The following CEP63 variants were observed in gnomAD, a reference collection of about 807,000 sequenced individuals.
CEP63 encodes centrosomal protein of 63 kDa.
CEP63 carries 84 observed loss-of-function variants against 89.1 expected under a neutral mutation model. That is an observed-to-expected ratio of 0.94 (90% CI 0.79 to 1.13). The LOEUF (loss-of-function observed/expected upper bound fraction) is 1.13, where lower values mean the gene tolerates loss of function less well. Among genes scored for constraint, CEP63 ranks in the 50% most tolerant of loss-of-function variants. CEP63 has a pLI of 0.00. For synonymous variants in CEP63, 267 were observed against 272.5 expected (o/e 0.98, Z 0.20); for missense variants, 838 against 813.3 (o/e 1.03, Z -0.37).
the CEP63 span, among the ~76,000 whole-genome samples, chr3:134,669,173 G>A: frequency 6.6e-6 from 1 of 151,968 alleles, no homozygotes; most frequent in African/African-American, 2.4e-5. Context: ...CTGCAGGCAT[G>A]TGCCCCTACA....
At chr3:134,776,307 G>A in the CEP63 span, among the ~76,000 whole-genome samples, 2 of 152,096 alleles carry the variant, frequency 1.3e-5, no homozygotes, top group African/African-American at 4.8e-5. Flanking sequence ...AAAAAGGTAA[G>A]ACAAACAAGT....
chr3:134,768,920 T>C, the CEP63 span, among the ~76,000 whole-genome samples: 2 of 152,132 alleles, frequency 1.3e-5, no homozygotes, highest in South Asian at 4.1e-4. Context: ...AAGGCTTTGA[T>C]ATGCTGTTGC....
At chr3:134,623,566 G>GC in the CEP63 span, among the ~76,000 whole-genome samples, 1 of 139,660 alleles carries the variant, frequency 7.2e-6, no homozygotes, top group Admixed American at 7.3e-5. Flanking sequence ...ACCTTAGGAT[G>GC]CCCCCCTACT....
the CEP63 span, among the ~76,000 whole-genome samples, chr3:134,718,555 T>A: frequency 6.6e-6 from 1 of 152,244 alleles, no homozygotes; most frequent in Admixed American, 6.5e-5. Flanking sequence ...CCCTGTGGGT[T>A]AGACAGAAAA....
At chr3:134,537,538 C>T (rs1201790150) in intron 6 of CEP63, among the ~76,000 whole-genome samples, 3 of 152,158 alleles carry the variant, frequency 2.0e-5, no homozygotes, top group Non-Finnish European at 2.9e-5. Context: ...GACTTGCTCA[C>T]CCACTCTCTG....
At chr3:134,553,023 T>G (rs1043442736) in intron 12 of CEP63, 1 of 152,168 alleles carries the variant, frequency 6.6e-6, no homozygotes, top group Non-Finnish European at 1.5e-5. Context: ...GTTACAAAAT[T>G]CCTATAATTT....
intron 3 of CEP63, among the ~76,000 whole-genome samples, chr3:134,519,067 C>T (rs1335726324): frequency 1.3e-5 from 2 of 151,910 alleles, no homozygotes; most frequent in Admixed American, 6.6e-5. Flanking sequence ...TAAAAAATCC[C>T]TAGGAAAGCA....
intron 1 of CEP63, among the ~76,000 whole-genome samples, chr3:134,494,756 C>T (rs1041322323): frequency 4.6e-5 from 7 of 152,092 alleles, no homozygotes; most frequent in African/African-American, 1.7e-4. Flanking sequence ...GGTGGGAGGG[C>T]CCTGTGGCTG....
chr3:134,529,898 G>A (rs1480601649), intron 3 of CEP63, among the ~76,000 whole-genome samples: 4 of 144,430 alleles, frequency 2.8e-5, no homozygotes, highest in East Asian at 4.0e-4. Context: ...TTTTTAGACG[G>A]GGTCTTGCTC....
At chr3:134,599,738 T>C in the CEP63 span, among the ~76,000 whole-genome samples, 1 of 152,198 alleles carries the variant, frequency 6.6e-6, no homozygotes, top group Non-Finnish European at 1.5e-5. Flanking sequence ...CTAACCTGAT[T>C]ATGTTTTCTT....
At chr3:134,510,820 T>G (rs1211319341) in intron 3 of CEP63, 1 of 330,558 alleles carries the variant, frequency 3.0e-6, no homozygotes, top group Non-Finnish European at 5.9e-6. Context: ...GCAAAGCACC[T>G]GGGGTAGAAG....
chr3:134,773,626 C>T, the CEP63 span, among the ~76,000 whole-genome samples: 1 of 152,170 alleles, frequency 6.6e-6, no homozygotes, highest in Non-Finnish European at 1.5e-5. Context: ...ATTTCTCCAA[C>T]CTCATGTCTT....
intron 2 of CEP63, among the ~76,000 whole-genome samples, chr3:134,503,025 G>T (rs186468525): frequency 1.3e-5 from 2 of 150,300 alleles, no homozygotes; most frequent in South Asian, 2.1e-4. Context: ...GTATTTTTGT[G>T]GTTTTGAGAA....
rs979807595 is a variant in CEP63 at position 134,546,210 on chromosome 3, A to G, written c.851A>G (p.His284Arg). 9.9e-6 allele frequency: 16 copies of G among 1,613,846 alleles called. No individual in the cohort carries two copies. Among genetic ancestry groups the G allele is most frequent in the Non-Finnish European group, 1.3e-5 (15 of 1,179,920 alleles). ...CTTCAGTCTCAAGAAAATCTCATAC[A>G]TGAGGCCAGAATACAAAAGGAGAAG... ...AALQSQENLI[H>R]EARIQKEKLQ... The change falls in exon 8 of 15, where the codon CAT becomes CGT. Residue 284 changes from histidine to arginine, a missense_variant. Coordinates refer to ENST00000675561, the MANE Select transcript of CEP63 (RefSeq NM_001353108.3).
chr3:134,506,786 C>T (rs536122793), intron 2 of CEP63, among the ~76,000 whole-genome samples: 14 of 151,874 alleles, frequency 9.2e-5, no homozygotes, highest in East Asian at 3.9e-4. Context: ...GGCATGGTGG[C>T]GCATGCCTGT....
the CEP63 span, among the ~76,000 whole-genome samples, chr3:134,623,066 C>T: frequency 9.6e-4 from 147 of 152,332 alleles, no homozygotes; most frequent in African/African-American, 3.4e-3. Flanking sequence ...CCCAGGGCCC[C>T]GAATGGTACT....
chr3:134,651,298 C>G, the CEP63 span: 4 of 1,186,638 alleles, frequency 3.4e-6, no homozygotes, highest in Non-Finnish European at 4.2e-6. Flanking sequence ...GCCCGGTGCA[C>G]TTGAAGCGCT....
the CEP63 span, among the ~76,000 whole-genome samples, chr3:134,642,975 A>C: frequency 1.6e-4 from 24 of 152,208 alleles, no homozygotes; most frequent in African/African-American, 5.3e-4. Context: ...GAATAAGTGC[A>C]TAAGTGGCTT....
At chr3:134,686,791 TA>T in the CEP63 span, among the ~76,000 whole-genome samples, 3 of 152,080 alleles carry the variant, frequency 2.0e-5, no homozygotes, top group East Asian at 5.8e-4. Context: ...CTCTATGGAG[TA>T]AAGCAATATC....
Sources: gnomAD v4.1 joint callset for allele counts (sites outside exome capture counted in the v4.1 genomes callset) on GRCh38, gnomAD v4.1.1 for gene constraint, MANE v1.5 for transcripts, NCBI Gene and HGNC (gene_info 2026-07-23, HGNC 2026-07-21) for gene names.